Variants in WARS2 observed in about 807,000 individuals in gnomAD.
The protein encoded by WARS2 is tryptophanyl tRNA synthetase 2, mitochondrial, also known as tryptophan--tRNA ligase, mitochondrial.
WARS2 carries 28 observed loss-of-function variants against 36.5 expected under a neutral mutation model. The observed-to-expected ratio is 0.77, with a 90% CI of 0.57 to 1.05. The LOEUF is 1.05. Among genes scored for constraint, WARS2 ranks in the 50% least tolerant of loss-of-function variants. WARS2 has a pLI of 0.00. For missense variants in WARS2, 435 were observed against 456.8 expected (o/e 0.95, Z 0.44); for synonymous variants, 174 against 178.4 (o/e 0.98, Z 0.20).
intron 1 of WARS2, among the ~76,000 whole-genome samples, chr1:119,135,707 TAGATAGAC>T (rs1401696032): frequency 1.5e-5 from 2 of 134,062 alleles, no homozygotes; most frequent in African/African-American, 5.5e-5. Context: ...ATAGATAGAT[TAGATAGAC>T]AGATAGATAG....
At chr1:119,130,143 GA>G (rs11325404) in intron 1 of WARS2, among the ~76,000 whole-genome samples, 42,878 of 143,564 alleles carry the variant, frequency 0.3, 6,494 homozygotes, top group African/African-American at 0.4. Context: ...GGGTAAATGA[GA>G]AAAAAAAAAA....
intron 1 of WARS2, among the ~76,000 whole-genome samples, chr1:119,128,028 TA>T (rs1211685784): frequency 3.3e-5 from 5 of 152,210 alleles, no homozygotes; most frequent in African/African-American, 1.2e-4. Context: ...CTTTTGTTGC[TA>T]ATGTCTTTAG....
At position 119,032,197 on chromosome 1, in the gene WARS2, A is replaced by C. The variant is rs1474741133; in HGVS notation, c.*714T>G. ...AATTCATAGGGGGTTGGTGAGACTA[A>C]ACTGAAATGAATGCAAGAAAGCACT... On this transcript the variant is annotated 3_prime_UTR_variant, in exon 6 of 6. Transcript: ENST00000235521. The C allele has an allele frequency of 1.3e-5, 2 of 152,222 alleles. No homozygotes were observed. The highest frequency in any genetic ancestry group is 2.9e-5 in the Non-Finnish European group (2 of 68,054). The allele number at this position is 152,222 out of a possible 1,614,324, so 9.4% of individuals were successfully genotyped here.
chr1:119,101,566 A>G (rs948911513), intron 1 of WARS2, among the ~76,000 whole-genome samples: 2 of 152,164 alleles, frequency 1.3e-5, no homozygotes, highest in African/African-American at 2.4e-5. Context: ...CCCTGTCCTC[A>G]TTTTCATCAA....
In WARS2 at chr1:119,103,925, AT is replaced by A. The variant is rs587596966; in HGVS notation, c.91-27319del. 6.7e-4 allele frequency among the ~76,000 whole-genome samples: 101 copies of A among 150,718 alleles called. 1 individual carries two copies. The highest frequency in any genetic ancestry group is 1.8e-3 in the African/African-American group (73 of 41,412). The stretch of plus-strand genomic sequence containing the variant: ...TTTTAATTAAAAAGGAAAAATATAT[AT>A]TTTTTTCTTTTAATTAAAAAATGTA... On this transcript the variant is annotated intron_variant, in intron 1 of 5. Transcript: ENST00000235521.
chr1:119,085,406 C>G, intron 1 of WARS2: 1 of 1,430,200 alleles, frequency 7.0e-7, no homozygotes, highest in Non-Finnish European at 9.7e-7. Context: ...TTCTGGGTGA[C>G]GAAGAGGATG....
chr1:119,066,135 AC>A (rs1650825358), intron 2 of WARS2, among the ~76,000 whole-genome samples: 1 of 152,160 alleles, frequency 6.6e-6, no homozygotes, highest in African/African-American at 2.4e-5. Flanking sequence ...TTAAAAAAAA[AC>A]AAAAAACAAA....
chr1:119,103,359 G>C (rs587722048), intron 1 of WARS2, among the ~76,000 whole-genome samples: 1 of 152,294 alleles, frequency 6.6e-6, no homozygotes, highest in South Asian at 2.1e-4. Flanking sequence ...CATTACCTCA[G>C]ATAGGTGGTA....
Position 119,076,397 on chromosome 1 carries a change from CAAG to C in WARS2, c.298_300del (p.Leu100del), listed in dbSNP as rs772867219. 4 of 1,614,036 alleles carry C rather than the reference CAAG, an allele frequency of 2.5e-6. No individual in the cohort carries two copies. Among genetic ancestry groups the C allele is most frequent in the Non-Finnish European group, 2.5e-6 (3 of 1,180,020 alleles). ...CTTTTTTCCGGGTTTATGCCACAGG[CAAG>C]AAGAACAGCAGTCATGTCCAGGATG... On this transcript the variant is annotated inframe_deletion, in exon 2 of 6. Coordinates refer to ENST00000235521, the MANE Select transcript of WARS2 (RefSeq NM_015836.4).
chr1:119,127,225 C>T (rs1273717937), intron 1 of WARS2: 14 of 737,860 alleles, frequency 1.9e-5, no homozygotes, highest in Admixed American at 5.3e-5. Flanking sequence ...GAAAATGGAT[C>T]GACCACTTTC....
At chr1:119,126,102 T>A (rs1264906751) in intron 1 of WARS2, among the ~76,000 whole-genome samples, 2 of 152,148 alleles carry the variant, frequency 1.3e-5, no homozygotes, top group Non-Finnish European at 2.9e-5. Flanking sequence ...CTTCTCTTCT[T>A]CCCTACCCAG....
intron 4 of WARS2, among the ~76,000 whole-genome samples, chr1:119,041,216 G>T (rs1648327967): frequency 6.6e-6 from 1 of 152,208 alleles, no homozygotes; most frequent in South Asian, 2.1e-4. Context: ...GGAAAGGGAT[G>T]CAAAAACACT....
chr1:119,036,670 G>C (rs1045582279), intron 4 of WARS2, among the ~76,000 whole-genome samples: 3 of 152,202 alleles, frequency 2.0e-5, no homozygotes, highest in African/African-American at 7.2e-5. Context: ...AATGGTTCCA[G>C]ATTCACAAAG....
At chr1:119,039,072 G>A (rs1303373922) in intron 4 of WARS2, among the ~76,000 whole-genome samples, 4 of 152,180 alleles carry the variant, frequency 2.6e-5, no homozygotes, top group African/African-American at 9.7e-5. Context: ...ATCTCTATCT[G>A]AATGAATTTA....
At chr1:119,112,018 G>A (rs1396854173) in intron 1 of WARS2, among the ~76,000 whole-genome samples, 1 of 152,032 alleles carries the variant, frequency 6.6e-6, no homozygotes, top group East Asian at 1.9e-4. Flanking sequence ...CACCTTCTGG[G>A]TTCAAGCGAT....
At chr1:119,069,862 G>A (rs1018097721) in intron 2 of WARS2, among the ~76,000 whole-genome samples, 1 of 152,140 alleles carries the variant, frequency 6.6e-6, no homozygotes, top group Non-Finnish European at 1.5e-5. Flanking sequence ...TGAGGGCCTT[G>A]AGGTCAGCCC....
intron 1 of WARS2, among the ~76,000 whole-genome samples, chr1:119,125,780 T>C (rs1019283553): frequency 6.6e-6 from 1 of 152,204 alleles, no homozygotes; most frequent in Non-Finnish European, 1.5e-5. Context: ...AAGCTGGCTG[T>C]CTCTCTGAGT....
chr1:119,099,852 G>A (rs1255921221), intron 1 of WARS2, among the ~76,000 whole-genome samples: 1 of 152,086 alleles, frequency 6.6e-6, no homozygotes, highest in East Asian at 1.9e-4. Context: ...AAAAATACTA[G>A]CAGAAAACCC....
intron 2 of WARS2, among the ~76,000 whole-genome samples, chr1:119,074,401 T>C (rs1417914325): frequency 6.6e-6 from 1 of 152,220 alleles, no homozygotes; most frequent in African/African-American, 2.4e-5. Context: ...AGTTGATTTA[T>C]TGTTTTTTAC....
Sources: allele counts gnomAD v4.1 joint callset (sites outside exome capture counted in the v4.1 genomes callset), GRCh38; gene constraint gnomAD v4.1.1; transcripts MANE v1.5; gene names NCBI Gene and HGNC (gene_info 2026-07-23, HGNC 2026-07-21).